Variants in NCAPH observed in about 807,000 individuals in gnomAD.
The protein encoded by NCAPH is non-SMC condensin I complex subunit H.
NCAPH carries 38 observed loss-of-function variants against 85.5 expected under a neutral mutation model. The observed-to-expected ratio is 0.44, with a 90% CI of 0.34 to 0.58. NCAPH has a LOEUF of 0.58. Among genes scored for constraint, NCAPH ranks in the 20% least tolerant of loss-of-function variants. NCAPH has a pLI of 0.01. For synonymous variants in NCAPH, 301 were observed against 335.1 expected (o/e 0.90, Z 1.11); for missense variants, 789 against 916.6 (o/e 0.86, Z 1.80).
intron 9 of NCAPH, 23 bp downstream of exon 9, chr2:96,354,411 G>T: frequency 2.7e-6 from 4 of 1,506,584 alleles, no homozygotes; most frequent in Non-Finnish European, 2.7e-6. Context: ...GAGTCCGAAA[G>T]TGTTTCTATA....
At chr2:96,361,456 C>T (rs144148247) in intron 12 of NCAPH, among the ~76,000 whole-genome samples, 218 of 152,072 alleles carry the variant, frequency 1.4e-3, no homozygotes, top group African/African-American at 4.6e-3. Context: ...AGGTGACACA[C>T]GGGCTCACAT....
intron 10 of NCAPH, 83 bp downstream of exon 10, chr2:96,359,276 C>G: frequency 6.6e-7 from 1 of 1,504,678 alleles, no homozygotes; most frequent in Non-Finnish European, 9.1e-7. Flanking sequence ...AAAAGAAATG[C>G]CAGTCACAGC....
intron 17 of NCAPH, among the ~76,000 whole-genome samples, chr2:96,371,674 G>A (rs893150697): frequency 6.6e-6 from 1 of 152,164 alleles, no homozygotes; most frequent in African/African-American, 2.4e-5. Flanking sequence ...GCTGAGCACC[G>A]AGGCCATTAC....
At chr2:96,352,692 C>T (rs182630072) in intron 7 of NCAPH, among the ~76,000 whole-genome samples, 207 of 152,288 alleles carry the variant, frequency 1.4e-3, no homozygotes, top group African/African-American at 2.0e-3. Context: ...TTCGTACTCT[C>T]GCTGATCTTC....
chr2:96,351,038 C>T (rs1664570149), intron 6 of NCAPH, among the ~76,000 whole-genome samples: 1 of 152,182 alleles, frequency 6.6e-6, no homozygotes, highest in Non-Finnish European at 1.5e-5. Flanking sequence ...CTTCTTAAAA[C>T]CTCTCTCAGG....
chr2:96,364,841 G>A (rs1337896893), intron 13 of NCAPH, among the ~76,000 whole-genome samples: 2 of 152,180 alleles, frequency 1.3e-5, no homozygotes, highest in African/African-American at 4.8e-5. Context: ...AAGTGAATGC[G>A]TCGACATGTG....
At chr2:96,347,153 C>T (rs1465826887) in intron 6 of NCAPH, among the ~76,000 whole-genome samples, 1 of 152,106 alleles carries the variant, frequency 6.6e-6, no homozygotes, top group Non-Finnish European at 1.5e-5. Context: ...GCTGCAATCA[C>T]CTGGCCCACC....
At chr2:96,354,473 T>G (rs1008029730) in intron 9 of NCAPH, 85 bp downstream of exon 9, 1 of 1,171,466 alleles carries the variant, frequency 8.5e-7, no homozygotes, top group Non-Finnish European at 1.1e-6. Context: ...AATTAAAAAA[T>G]TTTTCTTTCT....
intron 1 of NCAPH, among the ~76,000 whole-genome samples, chr2:96,337,443 G>A (rs2064228313): frequency 6.6e-6 from 1 of 151,968 alleles, no homozygotes; most frequent in Non-Finnish European, 1.5e-5. Flanking sequence ...TTTTTGAGAC[G>A]GAGTCTCGCT....
intron 15 of NCAPH, among the ~76,000 whole-genome samples, chr2:96,367,687 A>G (rs1265188745): frequency 6.6e-6 from 1 of 152,234 alleles, no homozygotes; most frequent in East Asian, 1.9e-4. Flanking sequence ...GGAAGACTTC[A>G]TGCTTCTAAG....
At chr2:96,368,344 T>C (rs1217513671) in intron 15 of NCAPH, among the ~76,000 whole-genome samples, 2 of 152,164 alleles carry the variant, frequency 1.3e-5, no homozygotes, top group East Asian at 3.8e-4. Context: ...AGCAGTGTAG[T>C]CCAGTTGGAG....
At chr2:96,348,129 C>T (rs1011790729) in intron 6 of NCAPH, among the ~76,000 whole-genome samples, 3 of 151,844 alleles carry the variant, frequency 2.0e-5, no homozygotes, top group Middle Eastern at 3.4e-3. Flanking sequence ...AAATGGGGAA[C>T]GCTGGCCCCA....
intron 6 of NCAPH, 105 bp from the exon 7 acceptor site, chr2:96,351,726 G>A: frequency 1.2e-6 from 1 of 816,928 alleles, no homozygotes; most frequent in Non-Finnish European, 1.8e-6. Flanking sequence ...AGATATTTCA[G>A]TCCAGTGTAT....
At chr2:96,344,797 T>G (rs1319982313) in intron 6 of NCAPH, among the ~76,000 whole-genome samples, 1 of 152,228 alleles carries the variant, frequency 6.6e-6, no homozygotes, top group East Asian at 1.9e-4. Context: ...GCACAGTTAA[T>G]TTAAAGCAAA....
chr2:96,355,279 G>T (rs184948143), intron 9 of NCAPH, among the ~76,000 whole-genome samples: 46 of 152,274 alleles, frequency 3.0e-4, no homozygotes, highest in Non-Finnish European at 5.3e-4. Flanking sequence ...CAATGGGCCT[G>T]GGGGTAGGAG....
intron 6 of NCAPH, among the ~76,000 whole-genome samples, chr2:96,351,254 T>C (rs2064437305): frequency 6.6e-6 from 1 of 152,220 alleles, no homozygotes; most frequent in African/African-American, 2.4e-5. Flanking sequence ...AGATGTATTA[T>C]AAAAAAGCCA....
chr2:96,353,207 CCT>C, intron 7 of NCAPH, 97 bp from the exon 8 acceptor site: 1 of 920,788 alleles, frequency 1.1e-6, no homozygotes, highest in Non-Finnish European at 1.7e-6. Context: ...GGTAACTGTG[CCT>C]CTCATCTCTC....
intron 9 of NCAPH, among the ~76,000 whole-genome samples, chr2:96,358,760 G>A (rs188010247): frequency 2.7e-4 from 41 of 152,202 alleles, no homozygotes; most frequent in Admixed American, 1.3e-3. Context: ...GAGCCACCGC[G>A]CCCAGCCAAA....
chr2:96,373,449 C>A lies in NCAPH; in HGVS notation c.*98C>A. On this transcript the variant is annotated 3_prime_UTR_variant, in exon 18 of 18. Coordinates refer to ENST00000240423, the MANE Select transcript of NCAPH (RefSeq NM_015341.5). ...GAAGAAGATGCCATGGGCTTATACC[C>A]AGGCTGTAGCCAACTACCAACGTGC... 1 of 1,146,488 alleles carries A rather than the reference C, an allele frequency of 8.7e-7. No individual in the cohort carries two copies. The highest frequency in any genetic ancestry group is 1.3e-6 in the Non-Finnish European group (1 of 771,494). 71.0% of individuals were successfully genotyped at this position (1,146,488 alleles called of 1,614,324 possible). A position where few individuals can be genotyped will look rare whatever the true frequency, so the allele number is the denominator to read the frequency against.
Sources: gnomAD v4.1 joint callset for allele counts (sites outside exome capture counted in the v4.1 genomes callset) on GRCh38, gnomAD v4.1.1 for gene constraint, MANE v1.5 for transcripts, NCBI Gene and HGNC (gene_info 2026-07-23, HGNC 2026-07-21) for gene names.